Variants in CD38 observed in about 807,000 individuals in gnomAD.
CD38 encodes ADP-ribosyl cyclase/cyclic ADP-ribose hydrolase 1.
In CD38, 31 loss-of-function variants were observed where a neutral mutation model predicts 36.3. The observed-to-expected ratio is 0.85, with a 90% CI of 0.64 to 1.15. CD38 has a LOEUF of 1.15. CD38 is among the 50% of genes most tolerant of loss of function. The pLI, the probability that CD38 is intolerant of heterozygous loss-of-function variation, is 0.00. For synonymous variants in CD38, 131 were observed against 135.2 expected (o/e 0.97, Z 0.22); for missense variants, 380 against 371.9 (o/e 1.02, Z -0.18).
chr4:15,820,164 A>G (rs564531535), intron 2 of CD38, among the ~76,000 whole-genome samples: 1 of 152,360 alleles, frequency 6.6e-6, no homozygotes, highest in African/African-American at 2.4e-5. Context: ...CGTCACCACC[A>G]GGCCTGCCTT....
Position 15,786,806 on chromosome 4 carries a change from G to A in CD38, c.233+8159G>A, listed in dbSNP as rs529650412. Among the ~76,000 whole-genome samples the A allele has an allele frequency of 8.7e-4, 133 of 152,366 alleles. 1 individual carries two copies. The highest frequency in any genetic ancestry group is 2.9e-3 in the African/African-American group (119 of 41,598). ...CGGTGCTCGTCGGGGAGGCTCCAGC[G>A]GCACAGGAGCCCACGGCAGGGAGGG... is the stretch of plus-strand genomic sequence containing the variant. On this transcript the variant is annotated intron_variant, in intron 1 of 7. Coordinates refer to ENST00000226279, the MANE Select transcript of CD38 (RefSeq NM_001775.4).
chr4:15,792,486 G>T (rs141704408), intron 1 of CD38, among the ~76,000 whole-genome samples: 1,807 of 144,766 alleles, frequency 0.012, 18 homozygotes, highest in Non-Finnish European at 0.019. Flanking sequence ...AAGAAAAGCA[G>T]CAAGCCAGCC....
intron 1 of CD38, among the ~76,000 whole-genome samples, chr4:15,786,270 C>G (rs1414179600): frequency 6.6e-6 from 1 of 152,250 alleles, no homozygotes; most frequent in Non-Finnish European, 1.5e-5. Context: ...CCACCCACAT[C>G]CTGCTGATTG....
intron 1 of CD38, among the ~76,000 whole-genome samples, chr4:15,814,245 T>C (rs543046994): frequency 6.6e-6 from 1 of 152,356 alleles, no homozygotes; most frequent in Non-Finnish European, 1.5e-5. Flanking sequence ...ATAAATGTCT[T>C]CTTTTGAGAA....
In CD38 at chr4:15,824,681, A is replaced by AAC. The variant is rs3832313; in HGVS notation, c.364-181_364-180dup. Among the ~76,000 whole-genome samples, 1,315 of 150,694 alleles carry AAC rather than the reference A, an allele frequency of 8.7e-3. 20 individuals carry two copies. The highest frequency in any genetic ancestry group is 0.023 in the African/African-American group (958 of 41,114). On this transcript the variant is annotated intron_variant, in intron 2 of 7. Transcript: ENST00000226279. ...AAGATTCATTTACATTGTGACCTAG[A>AAC]ACACACACACACACACACACTCTCT...
At chr4:15,786,517 C>A (rs1305737351) in intron 1 of CD38, among the ~76,000 whole-genome samples, 1 of 152,150 alleles carries the variant, frequency 6.6e-6, no homozygotes, top group Non-Finnish European at 1.5e-5. Context: ...CTGATTGGTG[C>A]ATTTACAAAC....
chr4:15,780,517 CTCA>C (rs1722667599), intron 1 of CD38, among the ~76,000 whole-genome samples: 3 of 113,126 alleles, frequency 2.7e-5, no homozygotes, highest in Non-Finnish European at 5.4e-5. Context: ...TATTCTCTCT[CTCA>C]CACACACACA....
intron 1 of CD38, among the ~76,000 whole-genome samples, chr4:15,797,663 G>A (rs1211218702): frequency 6.6e-6 from 1 of 152,100 alleles, no homozygotes. Context: ...CAGAAGGGTC[G>A]GTGCCTTCTG....
intron 1 of CD38, among the ~76,000 whole-genome samples, chr4:15,790,421 G>T (rs145475776): frequency 6.6e-6 from 1 of 151,478 alleles, no homozygotes. Flanking sequence ...CGAGTGATCC[G>T]CCGGCCTCGG....
At chr4:15,827,895 AT>A (rs1333112517) in intron 3 of CD38, among the ~76,000 whole-genome samples, 1 of 152,004 alleles carries the variant, frequency 6.6e-6, no homozygotes, top group African/African-American at 2.4e-5. Flanking sequence ...ATATGTATTT[AT>A]TTACTTTTTA....
intron 1 of CD38, among the ~76,000 whole-genome samples, chr4:15,790,855 C>T (rs1722961059): frequency 6.7e-6 from 1 of 149,016 alleles, no homozygotes; most frequent in Non-Finnish European, 1.5e-5. Flanking sequence ...AGGAGCGCCT[C>T]TGCTGGGCCG....
chr4:15,838,008 A>T, intron 4 of CD38, 84 bp from the exon 5 acceptor site: 1 of 1,057,974 alleles, frequency 9.5e-7, no homozygotes, highest in Non-Finnish European at 1.4e-6. Flanking sequence ...TTAACCAGCT[A>T]TTGCTAAGTA....
chr4:15,819,963 A>G (rs926598169), intron 2 of CD38, among the ~76,000 whole-genome samples: 17 of 152,190 alleles, frequency 1.1e-4, no homozygotes, highest in Admixed American at 2.0e-4. Flanking sequence ...CAGGTCACCT[A>G]TAAAGGGAAG....
At chr4:15,838,670 T>C (rs1478880375) in intron 5 of CD38, among the ~76,000 whole-genome samples, 1 of 152,132 alleles carries the variant, frequency 6.6e-6, no homozygotes, top group Non-Finnish European at 1.5e-5. Flanking sequence ...TGGCCTTCAC[T>C]ATCTTTTTGC....
At chr4:15,779,590 A>T (rs961900273) in intron 1 of CD38, among the ~76,000 whole-genome samples, 3 of 151,434 alleles carry the variant, frequency 2.0e-5, no homozygotes, top group Non-Finnish European at 4.4e-5. Context: ...GAGCAAATAG[A>T]CCTCCCTCGC....
intron 1 of CD38, among the ~76,000 whole-genome samples, chr4:15,807,520 T>A (rs879468363): frequency 6.6e-6 from 1 of 151,036 alleles, no homozygotes; most frequent in African/African-American, 2.5e-5. Flanking sequence ...AAGGCCCAAC[T>A]GTGGGGGCCA....
At chr4:15,784,938 C>T (rs931770217) in intron 1 of CD38, among the ~76,000 whole-genome samples, 1 of 152,114 alleles carries the variant, frequency 6.6e-6, no homozygotes, top group Non-Finnish European at 1.5e-5. Flanking sequence ...CACCTGTAGT[C>T]CCAGCTACTC....
In CD38 at chr4:15,840,465, G is replaced by T; in HGVS notation, c.766G>T (p.Asp256Tyr). Residue 256 changes from aspartate (D) to tyrosine (Y), a missense_variant, in exon 7 of 8, where the codon GAT (aspartate) becomes TAT (tyrosine). Asp to Tyr is a radical substitution (Grantham distance 160). Transcript: ENST00000226279. The part of the protein sequence containing the change: ...GREDSRDLCQ[D>Y]PTIKELESII... ...TTTCTTCCCCAGAGACTTATGCCAGGATCCCACCATAAAAGAGCTGGAATC... is the reference window on the plus strand; with the variant it reads ...TTTCTTCCCCAGAGACTTATGCCAGTATCCCACCATAAAAGAGCTGGAATC... 6.2e-7 allele frequency: 1 copy of T among 1,601,218 alleles called. No homozygotes were observed. Among genetic ancestry groups the T allele is most frequent in the Non-Finnish European group, 8.6e-7 (1 of 1,169,438 alleles).
chr4:15,814,805 GTTTTTT>G (rs1723548747), intron 1 of CD38, among the ~76,000 whole-genome samples: 2 of 147,598 alleles, frequency 1.4e-5, no homozygotes, highest in Admixed American at 6.7e-5. Context: ...TTTGTTTTTT[GTTTTTT>G]GTTTTTTTTT....
Sources: gnomAD v4.1 joint callset for allele counts (sites outside exome capture counted in the v4.1 genomes callset) on GRCh38, gnomAD v4.1.1 for gene constraint, MANE v1.5 for transcripts, NCBI Gene and HGNC (gene_info 2026-07-23, HGNC 2026-07-21) for gene names.